The following DNAH10 variants were observed in gnomAD, a reference collection of about 807,000 sequenced individuals.
DNAH10 encodes the protein dynein axonemal heavy chain 10.
DNAH10 carries 348 observed loss-of-function variants against 506.6 expected under a neutral mutation model. The observed-to-expected ratio is 0.69, with a 90% CI of 0.63 to 0.75. DNAH10 has a LOEUF of 0.75. Ranked by LOEUF, DNAH10 falls within the 30% of genes least tolerant of loss-of-function variation. The pLI is 0.00. For synonymous variants in DNAH10, 2,059 were observed against 2,198.6 expected (o/e 0.94, Z 1.78); for missense variants, 5,179 against 5,787.1 (o/e 0.89, Z 3.41).
intron 24 of DNAH10, among the ~76,000 whole-genome samples, chr12:123,821,322 G>A (rs558471624): frequency 4.4e-4 from 67 of 152,122 alleles, no homozygotes; most frequent in African/African-American, 1.4e-3. Context: ...TTGATGCCAC[G>A]GAATTGTACA....
chr12:123,910,550 C>T lies in DNAH10; in HGVS notation c.10012C>T (p.Leu3338Phe), dbSNP rs756318823. 3 of 1,613,520 alleles carry T rather than the reference C, an allele frequency of 1.9e-6. No homozygotes were observed. In the Admixed American group the frequency reaches 5.0e-5, roughly 27 times the overall value. ...VKNIKGLLKT[L>F]NTTTEEMEAV... Reference sequence around the variant, plus strand: ...TTTCACGTTAGGCCTCTTGAAGACTCTTAATACCACAACTGAAGAAATGGA... The same window carrying T: ...TTTCACGTTAGGCCTCTTGAAGACTTTTAATACCACAACTGAAGAAATGGA... The change falls in exon 59 of 79, where the codon CTT (leucine) becomes TTT (phenylalanine). Residue 3338 changes from leucine to phenylalanine, a missense_variant. Coordinates refer to ENST00000673944, the MANE Select transcript of DNAH10 (RefSeq NM_001372106.1).
chr12:123,825,440 C>A (rs973018470), intron 24 of DNAH10, among the ~76,000 whole-genome samples: 2 of 152,334 alleles, frequency 1.3e-5, no homozygotes, highest in East Asian at 1.9e-4. Context: ...CCACGGAATA[C>A]TACTACTCAG....
Position 123,887,209 on chromosome 12 carries a change from A to G in DNAH10, c.8891A>G (p.Tyr2964Cys), listed in dbSNP as rs376433468. Residue 2964 changes from tyrosine to cysteine, a missense_variant, in exon 52 of 79, where the codon TAT (tyrosine) becomes TGT (cysteine). This residue lies in a region of DNAH10 where 4,844 missense variants were observed against 5,430.5 expected (regional missense o/e 0.89). Transcript: ENST00000673944. ...NSFREDLKSL[Y>C]LKLGIENKAM... ...TTCCGGGAAGACCTGAAGAGCCTCT[A>G]TTTGAAACTTGGGATTGAGAACAAA... 8 of 1,613,742 alleles carry G rather than the reference A, an allele frequency of 5.0e-6. No homozygotes were observed. Among genetic ancestry groups the G allele is most frequent in the Non-Finnish European group, 6.8e-6 (8 of 1,179,796 alleles).
chr12:123,915,712 C>T (rs577189380), intron 62 of DNAH10, among the ~76,000 whole-genome samples: 15 of 152,312 alleles, frequency 9.8e-5, no homozygotes, highest in African/African-American at 3.4e-4. Context: ...TCATTCCTTC[C>T]TTGGGCTGAA....
Position 123,801,366 on chromosome 12 carries a change from G to C in DNAH10, c.2548G>C (p.Asp850His). 1 of 1,614,214 alleles carries C rather than the reference G, an allele frequency of 6.2e-7. No individual in the cohort carries two copies. Among genetic ancestry groups the C allele is most frequent in the Admixed American group, 1.7e-5 (1 of 60,022 alleles). ...CGATGCGGAGTCTGTGCTTCTCAAAGATCATTCCCAGGAACTGCTCCGAGT... is the reference window on the plus strand; with the variant it reads ...CGATGCGGAGTCTGTGCTTCTCAAACATCATTCCCAGGAACTGCTCCGAGT... ...LNDAESVLLK[D>H]HSQELLRVFR... The change falls in exon 16 of 79, where the codon GAT (aspartate) becomes CAT (histidine). Residue 850 changes from aspartate to histidine, a missense_variant. Around this residue, in one of 3 missense-constraint regions of DNAH10, gnomAD observed 4,844 missense variants for 5,430.5 expected, o/e 0.89. Transcript: ENST00000673944.
chr12:123,779,066 G>C (rs1431947724), intron 5 of DNAH10, among the ~76,000 whole-genome samples: 1 of 151,998 alleles, frequency 6.6e-6, no homozygotes, highest in Non-Finnish European at 1.5e-5. Flanking sequence ...ACCACACCTG[G>C]CTAATTTTTT....
chr12:123,832,659 G>A (rs1960696298), intron 26 of DNAH10, among the ~76,000 whole-genome samples: 1 of 152,008 alleles, frequency 6.6e-6, no homozygotes, highest in Non-Finnish European at 1.5e-5. Context: ...TAGATTTTTT[G>A]TTTTGAATAT....
chr12:123,920,715 A>G (rs1954684781), intron 65 of DNAH10, among the ~76,000 whole-genome samples: 1 of 152,194 alleles, frequency 6.6e-6, no homozygotes. Context: ...TCTATACATT[A>G]TAATTGGTTG....
At chr12:123,915,906 G>A (rs1342259324) in intron 62 of DNAH10, among the ~76,000 whole-genome samples, 5 of 152,206 alleles carry the variant, frequency 3.3e-5, no homozygotes, top group Non-Finnish European at 7.3e-5. Context: ...TGCCGGGGCG[G>A]CCCAATCACT....
rs1190942600 is a variant in DNAH10, at chr12:123,762,616, G to C, written c.214+66G>C. The stretch of plus-strand genomic sequence containing the variant: ...CTGCCCGTCCCGGCCTCTCCGGCGG[G>C]CGCCGGGGCTGCTAGAGCCTGCCCA... On this transcript the variant is annotated intron_variant, in intron 1 of 78. Transcript: ENST00000673944. The surrounding 1 kb of genome is among the most constrained non-coding windows in gnomAD (Gnocchi z 5.0). The C allele has an allele frequency of 2.0e-6, 3 of 1,469,690 alleles. No individual in the cohort carries two copies. The highest frequency in any genetic ancestry group is 2.7e-6 in the Non-Finnish European group (3 of 1,101,160). The allele number at this position is 1,469,690 out of a possible 1,614,324, so 91.0% of individuals were successfully genotyped here.
chr12:123,851,219 A>T, intron 35 of DNAH10, 143 bp downstream of exon 35: 1 of 867,474 alleles, frequency 1.2e-6, no homozygotes, highest in Admixed American at 3.4e-5. Context: ...GCTCTTCCAG[A>T]TGGGACCTAG....
rs142324157 is a variant in DNAH10, at chr12:123,811,511, T to A, written c.3145-1653T>A. On this transcript the variant is annotated intron_variant, in intron 19 of 78. Coordinates refer to ENST00000673944, the MANE Select transcript of DNAH10 (RefSeq NM_001372106.1). ...ATAATTTTTGTATTTTTATTTATTT[T>A]TTTTTTTGAGATAGAGTCTTGCTGT... Among the ~76,000 whole-genome samples the A allele has an allele frequency of 2.0e-3, 287 of 143,920 alleles. 2 individuals carry two copies. Among genetic ancestry groups the A allele is most frequent in the African/African-American group, 6.0e-3 (203 of 33,986 alleles). 94.4% of individuals were successfully genotyped at this position (143,920 alleles called of 152,430 possible). A position where few individuals can be genotyped will look rare whatever the true frequency, so the allele number is the denominator to read the frequency against.
Position 123,928,810 on chromosome 12 carries a change from G to A in DNAH10, c.12306+223G>A. ...TCCCAGGCCTATCTCTACCAATTCTGCATGTGTCCCTAACAATATCTACGC... is the reference window on the plus strand; with the variant it reads ...TCCCAGGCCTATCTCTACCAATTCTACATGTGTCCCTAACAATATCTACGC... On this transcript the variant is annotated intron_variant, in intron 70 of 78. Coordinates refer to ENST00000673944, the MANE Select transcript of DNAH10 (RefSeq NM_001372106.1). The surrounding 1 kb of genome is among the most constrained non-coding windows in gnomAD (Gnocchi z 4.9). The A allele has an allele frequency of 1.7e-6, 1 of 584,840 alleles. No individual in the cohort carries two copies. Among genetic ancestry groups the A allele is most frequent in the South Asian group, 2.2e-5 (1 of 45,652 alleles). 36.2% of individuals were successfully genotyped at this position (584,840 alleles called of 1,614,324 possible).
chr12:123,880,481 G>A (rs1952456943), intron 50 of DNAH10, among the ~76,000 whole-genome samples: 1 of 151,716 alleles, frequency 6.6e-6, no homozygotes, highest in South Asian at 2.1e-4. Flanking sequence ...CCGGGACTAT[G>A]GGCACACATC....
At chr12:123,825,311 G>A (rs1022929005) in intron 24 of DNAH10, among the ~76,000 whole-genome samples, 5 of 152,170 alleles carry the variant, frequency 3.3e-5, no homozygotes, top group African/African-American at 1.2e-4. Flanking sequence ...AGAAAGCATG[G>A]TCCTTGCAGA....
In DNAH10 at chr12:123,826,806, A is replaced by G; in HGVS notation, c.4299A>G (p.Leu1433=). Residue 1433 remains leucine (L), a synonymous_variant, in exon 25 of 79, where the codon TTA becomes TTG. Transcript: ENST00000673944. ...LRKLPRPVRG[L]SVTYYLEAKM... is the part of the protein sequence containing the mutation. Reference sequence around the variant, plus strand: ...AGCTACCTCGGCCAGTCCGTGGCTTATCAGTGACCTACTACTTGGAAGCAA... The same window carrying G: ...AGCTACCTCGGCCAGTCCGTGGCTTGTCAGTGACCTACTACTTGGAAGCAA... 6.2e-7 allele frequency: 1 copy of G among 1,614,044 alleles called. No homozygotes were observed. Among genetic ancestry groups the G allele is most frequent in the Non-Finnish European group, 8.5e-7 (1 of 1,179,890 alleles).
chr12:123,766,325 T>C (rs895806215), intron 1 of DNAH10, among the ~76,000 whole-genome samples: 1 of 142,746 alleles, frequency 7.0e-6, no homozygotes, highest in Non-Finnish European at 1.5e-5. Flanking sequence ...GCTTGTCATC[T>C]ATATCTGTCT....
At chr12:123,905,657 G>A (rs1441362147) in intron 57 of DNAH10, among the ~76,000 whole-genome samples, 1 of 151,656 alleles carries the variant, frequency 6.6e-6, no homozygotes, top group Non-Finnish European at 1.5e-5. Flanking sequence ...AGAAAAGTGT[G>A]TCTAAGAGTT....
At chr12:123,808,420 C>T (rs1216253792) in intron 18 of DNAH10, among the ~76,000 whole-genome samples, 2 of 152,172 alleles carry the variant, frequency 1.3e-5, no homozygotes, top group African/African-American at 2.4e-5. Flanking sequence ...GGGCTGGAGG[C>T]TGATGAAGTT....
Sources: allele counts gnomAD v4.1 joint callset (sites outside exome capture counted in the v4.1 genomes callset), GRCh38; gene constraint gnomAD v4.1.1; regional missense constraint gnomAD v4.1.1; non-coding constraint Gnocchi (gnomAD v3.1); transcripts MANE v1.5; gene names NCBI Gene and HGNC (gene_info 2026-07-23, HGNC 2026-07-21).